The following LUZP1 variants were observed in gnomAD, a reference collection of about 807,000 sequenced individuals.
The protein encoded by LUZP1 is leucine zipper protein 1, also known as filamin mechanobinding actin cross-linking protein.
LUZP1 carries 25 observed loss-of-function variants against 71.3 expected under a neutral mutation model. The ratio of observed to expected loss-of-function variants is 0.35; its 90% CI spans 0.26 to 0.49. LUZP1 has a LOEUF of 0.49. LUZP1 is among the 20% of genes least tolerant of loss of function. LUZP1 has a pLI of 0.99. For missense variants in LUZP1, 1,142 were observed against 1,300.8 expected (o/e 0.88, Z 1.88); for synonymous variants, 481 against 506.4 (o/e 0.95, Z 0.67).
chr1:23,156,104 G>A (rs1644419015), intron 2 of LUZP1, among the ~76,000 whole-genome samples: 1 of 152,200 alleles, frequency 6.6e-6, no homozygotes, highest in Non-Finnish European at 1.5e-5. Context: ...AAGCCGGCCA[G>A]GCACGGTAGC....
At chr1:23,166,579 T>C (rs1644511323) in intron 2 of LUZP1, among the ~76,000 whole-genome samples, 1 of 139,330 alleles carries the variant, frequency 7.2e-6, no homozygotes, top group Admixed American at 8.3e-5. Flanking sequence ...AGCTTAAACA[T>C]GAGAGGCGGA....
chr1:23,164,469 G>A (rs1644494578), intron 2 of LUZP1, among the ~76,000 whole-genome samples: 1 of 151,506 alleles, frequency 6.6e-6, no homozygotes, highest in African/African-American at 2.4e-5. Flanking sequence ...TTCAGCCTGG[G>A]TGACACAGTG....
intron 4 of LUZP1, among the ~76,000 whole-genome samples, chr1:23,090,261 C>A (rs543939006): frequency 2.6e-5 from 4 of 152,280 alleles, no homozygotes; most frequent in African/African-American, 9.6e-5. Context: ...TTAGCTTCTA[C>A]ATCTGAAAAA....
At chr1:23,115,119 CAAT>C (rs1370932345) in intron 2 of LUZP1, among the ~76,000 whole-genome samples, 20 of 152,304 alleles carry the variant, frequency 1.3e-4, no homozygotes, top group Middle Eastern at 3.4e-3. Flanking sequence ...TAAATCGCAT[CAAT>C]AATAGATATT....
chr1:23,117,282 C>T (rs1644087087), intron 2 of LUZP1, among the ~76,000 whole-genome samples: 1 of 152,180 alleles, frequency 6.6e-6, no homozygotes, highest in South Asian at 2.1e-4. Context: ...ACTTCACAAC[C>T]TCAGTTTCCA....
chr1:23,108,525 AG>A (rs1278078000), intron 3 of LUZP1, among the ~76,000 whole-genome samples: 10 of 152,198 alleles, frequency 6.6e-5, no homozygotes, highest in Non-Finnish European at 1.2e-4. Flanking sequence ...ACCTGAGCCC[AG>A]GAAGTCAAGG....
intron 3 of LUZP1, among the ~76,000 whole-genome samples, chr1:23,107,214 T>G (rs957565736): frequency 4.6e-5 from 7 of 152,176 alleles, no homozygotes; most frequent in African/African-American, 1.7e-4. Context: ...TTGCTGTACA[T>G]AAAGGAGCAA....
chr1:23,142,769 G>T (rs545332510), intron 2 of LUZP1, among the ~76,000 whole-genome samples: 4 of 151,284 alleles, frequency 2.6e-5, no homozygotes, highest in Non-Finnish European at 4.4e-5. Context: ...GACAGCACCA[G>T]AGGGTTGGCA....
intron 2 of LUZP1, among the ~76,000 whole-genome samples, chr1:23,166,410 T>C (rs927966737): frequency 6.6e-6 from 1 of 151,980 alleles, no homozygotes; most frequent in African/African-American, 2.4e-5. Flanking sequence ...ATCCCAGCAC[T>C]TTGGGAGGCC....
chr1:23,092,990 G>A, exon 4 of LUZP1: 2 of 1,614,110 alleles, frequency 1.2e-6, no homozygotes, highest in African/African-American at 1.3e-5. Context: ...TGGTGAAACT[G>A]GGAGAAGAAA....
intron 2 of LUZP1, among the ~76,000 whole-genome samples, chr1:23,124,198 C>T (rs971118783): frequency 3.9e-5 from 6 of 152,070 alleles, no homozygotes; most frequent in Admixed American, 6.5e-5. Context: ...TTCCAAGATT[C>T]GTGAAATCAA....
chr1:23,103,213 G>A (rs964077086), intron 3 of LUZP1, among the ~76,000 whole-genome samples: 6 of 151,626 alleles, frequency 4.0e-5, no homozygotes, highest in Middle Eastern at 3.4e-3. Context: ...CTAAAGTACT[G>A]GGATTACAGA....
exon 4 of LUZP1, chr1:23,091,997 G>A (rs955686857): frequency 6.2e-7 from 1 of 1,613,998 alleles, no homozygotes; most frequent in African/African-American, 1.3e-5. Context: ...CAGGTTTGAT[G>A]ATGGCTCTAG....
intron 2 of LUZP1, among the ~76,000 whole-genome samples, chr1:23,138,462 T>C (rs1314516770): frequency 6.6e-6 from 1 of 152,050 alleles, no homozygotes; most frequent in Non-Finnish European, 1.5e-5. Flanking sequence ...TCCATGGAGA[T>C]AGAAAGTAGA....
intron 1 of LUZP1, among the ~76,000 whole-genome samples, chr1:23,176,797 A>G (rs1259282169): frequency 6.6e-6 from 1 of 152,194 alleles, no homozygotes; most frequent in African/African-American, 2.4e-5. Context: ...TATTCTCAAG[A>G]GGCTATAGAC....
intron 2 of LUZP1, among the ~76,000 whole-genome samples, chr1:23,114,223 A>G (rs1297447748): frequency 6.6e-6 from 1 of 152,228 alleles, no homozygotes; most frequent in African/African-American, 2.4e-5. Flanking sequence ...ATAACTTGGG[A>G]TCACAGAGTT....
chr1:23,122,650 C>T (rs190096763), intron 2 of LUZP1, among the ~76,000 whole-genome samples: 1 of 152,366 alleles, frequency 6.6e-6, no homozygotes, highest in Non-Finnish European at 1.5e-5. Context: ...GATTCCAGGA[C>T]ACTGAAGAAA....
At chr1:23,137,293 A>C (rs982285890) in intron 2 of LUZP1, among the ~76,000 whole-genome samples, 2 of 152,248 alleles carry the variant, frequency 1.3e-5, no homozygotes, top group African/African-American at 4.8e-5. Context: ...CGAATGGCCA[A>C]TAAGCATATG....
At chr1:23,105,585 T>A (rs1214861830) in intron 3 of LUZP1, among the ~76,000 whole-genome samples, 4 of 152,224 alleles carry the variant, frequency 2.6e-5, no homozygotes, top group Admixed American at 2.6e-4. Context: ...ACCTGGTCTA[T>A]AGTAAGTGTC....
Sources: allele counts gnomAD v4.1 joint callset (sites outside exome capture counted in the v4.1 genomes callset), GRCh38; gene constraint gnomAD v4.1.1; transcripts MANE v1.5; gene names NCBI Gene and HGNC (gene_info 2026-07-23, HGNC 2026-07-21).